The following VAV3 variants were observed in gnomAD, a reference collection of about 807,000 sequenced individuals.
The protein encoded by VAV3 is guanine nucleotide exchange factor VAV3.
In VAV3, 94 loss-of-function variants were observed where a neutral mutation model predicts 131.2. That is an observed-to-expected ratio of 0.72 (90% CI 0.61 to 0.85). The LOEUF is 0.85. Ranked by LOEUF, VAV3 falls within the 40% of genes least tolerant of loss-of-function variation. The pLI is 0.00. For missense variants in VAV3, 939 were observed against 1,002.7 expected, an observed-to-expected ratio of 0.94 and a Z score of 0.86; for synonymous variants, 349 against 342.0, an observed-to-expected ratio of 1.02 and a Z score of -0.22.
At chr1:107,577,784 C>T (rs1649757890) in intron 25 of VAV3, among the ~76,000 whole-genome samples, 1 of 152,186 alleles carries the variant, frequency 6.6e-6, no homozygotes, top group Non-Finnish European at 1.5e-5. Flanking sequence ...CCCTGCCCTC[C>T]AGCCCTGGAG....
intron 2 of VAV3, among the ~76,000 whole-genome samples, chr1:107,804,982 C>T (rs1397525676): frequency 6.6e-6 from 1 of 151,892 alleles, no homozygotes; most frequent in African/African-American, 2.4e-5. Flanking sequence ...TTTTTGATTC[C>T]CCTGGCAGCA....
At chr1:107,576,590 C>T (rs1649667045) in intron 25 of VAV3, 1 of 876,986 alleles carries the variant, frequency 1.1e-6, no homozygotes, top group Non-Finnish European at 1.6e-6. Flanking sequence ...AAATGAAGAA[C>T]AAGCCAAACT....
At chr1:107,692,861 A>G (rs1000717569) in intron 17 of VAV3, among the ~76,000 whole-genome samples, 2 of 152,198 alleles carry the variant, frequency 1.3e-5, no homozygotes, top group African/African-American at 4.8e-5. Context: ...ATTATACCAA[A>G]GTCGTTTGCT....
chr1:107,756,322 G>T (rs992126546), intron 11 of VAV3, among the ~76,000 whole-genome samples: 2 of 151,962 alleles, frequency 1.3e-5, no homozygotes, highest in African/African-American at 4.8e-5. Context: ...GCAACAGTAG[G>T]GACAGAACTC....
chr1:107,941,500 G>C (rs964591221), intron 1 of VAV3, among the ~76,000 whole-genome samples: 1 of 152,082 alleles, frequency 6.6e-6, no homozygotes, highest in African/African-American at 2.4e-5. Context: ...AACCATTTCC[G>C]AGGCCAACAT....
intron 17 of VAV3, among the ~76,000 whole-genome samples, chr1:107,689,927 C>T (rs574975718): frequency 1.3e-5 from 2 of 152,216 alleles, no homozygotes; most frequent in African/African-American, 4.8e-5. Context: ...CCAGAAAGAC[C>T]CATATACACC....
chr1:107,747,493 G>A (rs1663424396), intron 15 of VAV3, among the ~76,000 whole-genome samples: 1 of 152,080 alleles, frequency 6.6e-6, no homozygotes, highest in South Asian at 2.1e-4. Flanking sequence ...AGAAAAAATA[G>A]TATACTAGAA....
At chr1:107,637,188 A>G (rs1654994146) in intron 20 of VAV3, among the ~76,000 whole-genome samples, 1 of 152,242 alleles carries the variant, frequency 6.6e-6, no homozygotes, top group South Asian at 2.1e-4. Context: ...AAGAAATATT[A>G]TGAATAAAAA....
At chr1:107,612,078 C>T (rs71655925) in intron 21 of VAV3, among the ~76,000 whole-genome samples, 7 of 151,826 alleles carry the variant, frequency 4.6e-5, no homozygotes, top group African/African-American at 7.3e-5. Flanking sequence ...CTGCTATGAA[C>T]ATGTAGTTTT....
intron 25 of VAV3, chr1:107,578,671 C>G (rs570992582): frequency 1.9e-6 from 1 of 514,572 alleles, no homozygotes; most frequent in Non-Finnish European, 2.5e-6. Context: ...TGCAGTTACA[C>G]GATCTCGGCT....
rs576677885 is a variant in VAV3, at chr1:107,764,932, T to C, written c.921+144A>G. 17 of 573,580 alleles carry C rather than the reference T, an allele frequency of 3.0e-5. 1 individual carries two copies. The highest frequency in any genetic ancestry group is 4.8e-4 in the Middle Eastern group (1 of 2,086). 35.5% of individuals were successfully genotyped at this position (573,580 alleles called of 1,614,324 possible). A position where few individuals can be genotyped will look rare whatever the true frequency, so the allele number is the denominator to read the frequency against. On this transcript the variant is annotated intron_variant, in intron 9 of 26. Coordinates refer to ENST00000370056, the MANE Select transcript of VAV3 (RefSeq NM_006113.5). ...CTATTACTACCATATTACTATTTTA[T>C]AGAGCTGTTTAAATATTTTATAAAA...
chr1:107,906,073 C>G (rs2101102710), intron 1 of VAV3, among the ~76,000 whole-genome samples: 1 of 152,314 alleles, frequency 6.6e-6, no homozygotes, highest in South Asian at 2.1e-4. Context: ...AGTTGCTCAT[C>G]ATTTTCCAAT....
chr1:107,785,301 G>C (rs1429192902), intron 2 of VAV3, among the ~76,000 whole-genome samples: 1 of 152,142 alleles, frequency 6.6e-6, no homozygotes, highest in African/African-American at 2.4e-5. Flanking sequence ...CCAACATGTA[G>C]GTCTGCCAAA....
At chr1:107,836,628 C>T (rs1216787493) in intron 2 of VAV3, among the ~76,000 whole-genome samples, 2 of 151,882 alleles carry the variant, frequency 1.3e-5, no homozygotes, top group African/African-American at 2.4e-5. Context: ...TCAACAAAAA[C>T]AAAAGTTGGT....
chr1:107,668,177 T>C (rs7538840), intron 19 of VAV3, among the ~76,000 whole-genome samples: 96,734 of 152,110 alleles, frequency 0.64, 31,664 homozygotes, highest in African/African-American at 0.79. Context: ...CCTCCCTCCA[T>C]TGAGCATCTG....
At chr1:107,703,513 G>A (rs1428398285) in intron 17 of VAV3, among the ~76,000 whole-genome samples, 1 of 152,176 alleles carries the variant, frequency 6.6e-6, no homozygotes, top group Non-Finnish European at 1.5e-5. Context: ...TCACTTTATA[G>A]CTGCTCATGC....
chr1:107,907,260 T>C (rs762832007), intron 1 of VAV3, among the ~76,000 whole-genome samples: 4 of 152,160 alleles, frequency 2.6e-5, no homozygotes, highest in Admixed American at 6.5e-5. Flanking sequence ...ATCACTGATA[T>C]AAGAGCAAGA....
intron 1 of VAV3, among the ~76,000 whole-genome samples, chr1:107,947,719 T>G (rs769148916): frequency 4.6e-5 from 7 of 152,186 alleles, no homozygotes; most frequent in Non-Finnish European, 1.0e-4. Flanking sequence ...TGCCTCCCAC[T>G]GCAGAACTAC....
At chr1:107,644,124 G>C (rs931354889) in intron 19 of VAV3, among the ~76,000 whole-genome samples, 2 of 152,082 alleles carry the variant, frequency 1.3e-5, no homozygotes, top group African/African-American at 2.4e-5. Context: ...CACTCTATAA[G>C]AGAACTCCTC....
Sources: allele counts gnomAD v4.1 joint callset (sites outside exome capture counted in the v4.1 genomes callset), GRCh38; gene constraint gnomAD v4.1.1; transcripts MANE v1.5; gene names NCBI Gene and HGNC (gene_info 2026-07-23, HGNC 2026-07-21).